Variants in GAD1 observed in about 807,000 individuals in gnomAD.
GAD1 encodes the protein 67 kDa glutamic acid decarboxylase.
GAD1 carries 35 observed loss-of-function variants against 75.2 expected under a neutral mutation model. That is an observed-to-expected ratio of 0.47 (90% confidence interval 0.36 to 0.62). GAD1 has a LOEUF of 0.62. Among genes scored for constraint, GAD1 ranks in the 20% least tolerant of loss-of-function variants. The pLI, the probability that GAD1 is intolerant of heterozygous loss-of-function variation, is 0.00. For synonymous variants in GAD1, 257 were observed against 271.9 expected (o/e 0.95, Z 0.54); for missense variants, 490 against 758.5 (o/e 0.65, Z 4.16).
intron 15 of GAD1, among the ~76,000 whole-genome samples, chr2:170,857,774 T>C (rs1702882353): frequency 6.6e-6 from 1 of 152,222 alleles, no homozygotes; most frequent in Non-Finnish European, 1.5e-5. Context: ...ATGTGCATAC[T>C]GCACACAGCA....
rs757862510 is a variant in GAD1 at position 170,818,561 on chromosome 2, G to C, written c.-31G>C. The C allele has an allele frequency of 1.2e-5, 20 of 1,604,258 alleles. No homozygotes were observed. In the East Asian group the frequency reaches 4.2e-4, roughly 34 times the overall value. ...CTGCGCCGGACCAGTCGAGGACTCT[G>C]GACAGTAGAGGCCCCGGGACGACCG... On this transcript the variant is annotated 5_prime_UTR_variant, in exon 2 of 17. Transcript: ENST00000358196. This position sits in a 1 kb window ranked among gnomAD's most constrained non-coding sequence, Gnocchi z 5.9.
chr2:170,859,659 G>A (rs755873259), intron 16 of GAD1, 50 bp from the exon 17 acceptor site: 3 of 1,574,318 alleles, frequency 1.9e-6, no homozygotes, highest in South Asian at 2.2e-5. Context: ...GTTAAAAAGA[G>A]AGGGTGTTCA....
upstream of GAD1, among the ~76,000 whole-genome samples, chr2:170,815,873 G>A (rs568206900): frequency 1.3e-5 from 2 of 152,336 alleles, no homozygotes; most frequent in South Asian, 4.1e-4. Flanking sequence ...ACCCGGGAGC[G>A]CAGGGCCTCT....
chr2:170,842,497 T>C (rs1702538125), intron 6 of GAD1: 1 of 1,317,410 alleles, frequency 7.6e-7, no homozygotes, highest in Non-Finnish European at 1.1e-6. Context: ...AAGCCCATCA[T>C]GAGTTTGCCT....
Position 170,816,937 on chromosome 2 carries a change from C to T in GAD1, c.-175C>T. The T allele has an allele frequency of 5.3e-6, 1 of 189,514 alleles. No individual in the cohort carries two copies. Among genetic ancestry groups the T allele is most frequent in the Non-Finnish European group, 1.1e-5 (1 of 91,548 alleles). 11.7% of individuals were successfully genotyped at this position (189,514 alleles called of 1,614,324 possible). A position where few individuals can be genotyped will look rare whatever the true frequency, so the allele number is the denominator to read the frequency against. On this transcript the variant is annotated 5_prime_UTR_variant, in exon 1 of 17. Coordinates refer to ENST00000358196, the MANE Select transcript of GAD1 (RefSeq NM_000817.3). ...GAGGGAACTAGCGAGAACGAGGAAG[C>T]AGCTGGAGGTGACGCCGGGCAGATT... is the stretch of plus-strand genomic sequence containing the variant.
At chr2:170,844,022 C>G (rs751171177) in intron 6 of GAD1, 23 bp from the exon 7 acceptor site, 2 of 1,266,696 alleles carry the variant, frequency 1.6e-6, no homozygotes, top group Non-Finnish European at 2.3e-6. Context: ...TTTCTTTCAT[C>G]CTTCTTCTTA....
intron 5 of GAD1, among the ~76,000 whole-genome samples, chr2:170,834,451 T>C (rs934162259): frequency 1.3e-5 from 2 of 152,002 alleles, no homozygotes; most frequent in Non-Finnish European, 2.9e-5. Flanking sequence ...TATAAATTAA[T>C]AAAAGACTTC....
chr2:170,849,214 G>A, intron 11 of GAD1, 72 bp from the exon 12 acceptor site: 1 of 1,311,256 alleles, frequency 7.6e-7, no homozygotes, highest in Non-Finnish European at 1.1e-6. Flanking sequence ...TTTAGTAGAA[G>A]TGAGGACTGA....
At chr2:170,836,190 G>A (rs1049649294) in intron 5 of GAD1, among the ~76,000 whole-genome samples, 3 of 151,454 alleles carry the variant, frequency 2.0e-5, no homozygotes, top group Admixed American at 2.0e-4. Context: ...CCAGTTCCCA[G>A]CCACACGTCC....
chr2:170,815,152 T>C (rs1468983005), upstream of GAD1, among the ~76,000 whole-genome samples: 2 of 152,094 alleles, frequency 1.3e-5, no homozygotes, highest in Non-Finnish European at 2.9e-5. Flanking sequence ...CTTCACCTGG[T>C]TGTATGCCGC....
In GAD1 at chr2:170,818,091, C is replaced by T. The variant is rs148155934; in HGVS notation, c.-63-438C>T. ...CATGCCCGCCCCGTGCGCCCTCCCC[C>T]CGCTGGCCCACACGCCGGCTGCTGA... is the stretch of plus-strand genomic sequence containing the variant. On this transcript the variant is annotated intron_variant, in intron 1 of 16. Coordinates refer to ENST00000358196, the MANE Select transcript of GAD1 (RefSeq NM_000817.3). This position sits in a 1 kb window ranked among gnomAD's most constrained non-coding sequence, Gnocchi z 5.9. 8.4e-4 allele frequency: 144 copies of T among 170,974 alleles called. No homozygotes were observed. Among genetic ancestry groups the T allele is most frequent in the Admixed American group, 1.3e-3 (23 of 17,482 alleles). 10.6% of individuals were successfully genotyped at this position (170,974 alleles called of 1,614,324 possible). A position where few individuals can be genotyped will look rare whatever the true frequency, so the allele number is the denominator to read the frequency against.
intron 15 of GAD1, among the ~76,000 whole-genome samples, chr2:170,858,120 T>G (rs940655968): frequency 2.0e-5 from 3 of 152,182 alleles, no homozygotes; most frequent in Non-Finnish European, 1.5e-5. Context: ...TAAACACTCT[T>G]AATAGCAGAT....
At chr2:170,815,455 G>A (rs1401375995), upstream of GAD1, among the ~76,000 whole-genome samples, 1 of 152,106 alleles carries the variant, frequency 6.6e-6, no homozygotes, top group Non-Finnish European at 1.5e-5. Flanking sequence ...TGCCCAGGGC[G>A]GACCCTTCGA....
chr2:170,852,582 T>A, intron 12 of GAD1, 132 bp from the exon 13 acceptor site: 1 of 762,002 alleles, frequency 1.3e-6, no homozygotes, highest in Non-Finnish European at 2.3e-6. Flanking sequence ...GTTTGCTACT[T>A]GATTAGTCAA....
intron 6 of GAD1, chr2:170,842,477 G>T (rs1225470447): frequency 8.8e-7 from 1 of 1,136,616 alleles, no homozygotes; most frequent in Non-Finnish European, 1.3e-6. Flanking sequence ...ATTTGTTCAA[G>T]AATGGTTAAA....
intron 12 of GAD1, 80 bp downstream of exon 12, chr2:170,849,430 T>C: frequency 3.1e-6 from 4 of 1,286,294 alleles, no homozygotes; most frequent in Non-Finnish European, 4.5e-6. Context: ...TGCACCACCC[T>C]GCCCTGATCC....
intron 2 of GAD1, among the ~76,000 whole-genome samples, chr2:170,821,058 G>C (rs1430416406): frequency 2.6e-5 from 4 of 152,210 alleles, no homozygotes; most frequent in African/African-American, 9.7e-5. Context: ...GGGCTCTGTT[G>C]TGCCTCAGGT....
In GAD1 at chr2:170,845,798, G is replaced by A. The variant is rs188144170; in HGVS notation, c.947+13G>A. Reference sequence around the variant, plus strand: ...AGTGCAATGAAAGGTAGGCAGGGGAGGGTGAATATTAGGTTCTTGATGTAT... The same window carrying A: ...AGTGCAATGAAAGGTAGGCAGGGGAAGGTGAATATTAGGTTCTTGATGTAT... On this transcript the variant is annotated intron_variant, in intron 9 of 16. Coordinates refer to ENST00000358196, the MANE Select transcript of GAD1 (RefSeq NM_000817.3). The A allele has an allele frequency of 6.2e-7, 1 of 1,612,146 alleles. No individual in the cohort carries two copies. Among genetic ancestry groups the A allele is most frequent in the Admixed American group, 1.7e-5 (1 of 60,004 alleles).
chr2:170,845,453 G>C (rs927451899), intron 7 of GAD1, 53 bp from the exon 8 acceptor site: 29 of 1,512,560 alleles, frequency 1.9e-5, no homozygotes, highest in Non-Finnish European at 2.6e-5. Context: ...TTCGTTTTTA[G>C]AAACAATAAT....
Sources: allele counts gnomAD v4.1 joint callset (sites outside exome capture counted in the v4.1 genomes callset), GRCh38; gene constraint gnomAD v4.1.1; non-coding constraint Gnocchi (gnomAD v3.1); transcripts MANE v1.5; gene names NCBI Gene and HGNC (gene_info 2026-07-23, HGNC 2026-07-21).